The following SLC35D4 variants were observed in gnomAD, a reference collection of about 807,000 sequenced individuals.
SLC35D4 encodes UDP-N-acetylglucosamine transporter SLC35D4.
the SLC35D4 span, among the ~76,000 whole-genome samples, chr18:23,410,444 C>G: frequency 3.0e-4 from 45 of 150,888 alleles, no homozygotes; most frequent in South Asian, 1.5e-3. Context: ...CGCTACTGCA[C>G]TCCAGCCTGG....
chr18:23,303,624 G>A, the SLC35D4 span, among the ~76,000 whole-genome samples: 9 of 152,248 alleles, frequency 5.9e-5, no homozygotes, highest in Admixed American at 5.9e-4. Flanking sequence ...TTAGGGGCTG[G>A]GCGCAGTGGC....
the SLC35D4 span, among the ~76,000 whole-genome samples, chr18:23,328,047 C>T: frequency 2.5e-4 from 38 of 152,254 alleles, 1 homozygote; most frequent in East Asian, 4.4e-3. Flanking sequence ...ATTGATGGGA[C>T]GTATCTCAAA....
chr18:23,264,353 CTTTTTTTT>C, the SLC35D4 span, among the ~76,000 whole-genome samples: 20 of 56,100 alleles, frequency 3.6e-4, 1 homozygote, highest in South Asian at 1.1e-3. Flanking sequence ...CACTTTATTC[CTTTTTTTT>C]TTTTTTTTTT....
the SLC35D4 span, among the ~76,000 whole-genome samples, chr18:23,286,519 G>C: frequency 6.6e-6 from 1 of 152,038 alleles, no homozygotes; most frequent in African/African-American, 2.4e-5. Flanking sequence ...CAGCTTAGCG[G>C]CTGAAGACTG....
the SLC35D4 span, among the ~76,000 whole-genome samples, chr18:23,295,298 G>A: frequency 6.6e-6 from 1 of 151,800 alleles, no homozygotes; most frequent in Non-Finnish European, 1.5e-5. Context: ...GATAGGTGCA[G>A]CAAACCACCA....
At chr18:23,431,346 T>C in the SLC35D4 span, among the ~76,000 whole-genome samples, 1 of 152,118 alleles carries the variant, frequency 6.6e-6, no homozygotes, top group Non-Finnish European at 1.5e-5. Flanking sequence ...CCTTCCCAGA[T>C]GTCAGAAATG....
chr18:23,403,441 G>A, the SLC35D4 span, among the ~76,000 whole-genome samples: 1 of 152,216 alleles, frequency 6.6e-6, no homozygotes. Context: ...ACAGGAGACA[G>A]GGTAGAACAG....
At chr18:23,252,605 C>G in the SLC35D4 span, among the ~76,000 whole-genome samples, 7 of 152,252 alleles carry the variant, frequency 4.6e-5, no homozygotes, top group Admixed American at 2.6e-4. Context: ...AGATTGAACC[C>G]AGGTCTGTGC....
chr18:23,282,317 C>G, the SLC35D4 span, among the ~76,000 whole-genome samples: 13 of 152,312 alleles, frequency 8.5e-5, no homozygotes, highest in Admixed American at 6.5e-4. Context: ...AGACTCCCCC[C>G]CAGTTGATCC....
chr18:23,432,725 T>C, the SLC35D4 span, among the ~76,000 whole-genome samples: 2 of 149,400 alleles, frequency 1.3e-5, no homozygotes, highest in African/African-American at 4.9e-5. Context: ...TTGGGAGCCA[T>C]TGACGCCTGT....
At chr18:23,307,595 CTG>C in the SLC35D4 span, among the ~76,000 whole-genome samples, 26,853 of 152,220 alleles carry the variant, frequency 0.18, 3,396 homozygotes, top group African/African-American at 0.35. Context: ...GGCCTGTTTC[CTG>C]TCTCAGATGA....
the SLC35D4 span, among the ~76,000 whole-genome samples, chr18:23,313,702 T>C: frequency 6.6e-6 from 1 of 152,204 alleles, no homozygotes; most frequent in Non-Finnish European, 1.5e-5. Context: ...CACCTGGTGG[T>C]GGGACCTAGA....
chr18:23,255,970 A>T, the SLC35D4 span, among the ~76,000 whole-genome samples: 1 of 152,226 alleles, frequency 6.6e-6, no homozygotes, highest in Non-Finnish European at 1.5e-5. Context: ...ACTTTACCTT[A>T]TTCAAGGTGC....
At chr18:23,265,368 G>C in the SLC35D4 span, among the ~76,000 whole-genome samples, 9 of 152,032 alleles carry the variant, frequency 5.9e-5, no homozygotes, top group African/African-American at 2.2e-4. Context: ...CCCAATGCAC[G>C]AGCCATCAAG....
the SLC35D4 span, among the ~76,000 whole-genome samples, chr18:23,353,807 GTAACCT>G: frequency 2.0e-5 from 3 of 152,198 alleles, no homozygotes. Flanking sequence ...ACTGACCCTC[GTAACCT>G]TAACCAAATC....
chr18:23,275,858 G>T, the SLC35D4 span, among the ~76,000 whole-genome samples: 9 of 152,184 alleles, frequency 5.9e-5, no homozygotes, highest in African/African-American at 1.4e-4. Context: ...AACAGATGTC[G>T]TGTGACTCCA....
chr18:23,279,929 T>C, the SLC35D4 span, among the ~76,000 whole-genome samples: 3 of 152,212 alleles, frequency 2.0e-5, no homozygotes, highest in African/African-American at 7.2e-5. Context: ...AGTCTTGAAC[T>C]CCTGGGCTCA....
chr18:23,280,161 C>T, the SLC35D4 span, among the ~76,000 whole-genome samples: 3 of 152,366 alleles, frequency 2.0e-5, no homozygotes, highest in South Asian at 2.1e-4. Flanking sequence ...CTGCAGGCAG[C>T]GGGGCTGAGC....
At chr18:23,425,434 T>C in the SLC35D4 span, among the ~76,000 whole-genome samples, 1 of 152,186 alleles carries the variant, frequency 6.6e-6, no homozygotes, top group African/African-American at 2.4e-5. Flanking sequence ...CTCTTCAACT[T>C]AGAATGGGGT....
Sources: allele counts gnomAD v4.1 joint callset (sites outside exome capture counted in the v4.1 genomes callset), GRCh38; gene constraint gnomAD v4.1.1; transcripts MANE v1.5; gene names NCBI Gene and HGNC (gene_info 2026-07-23, HGNC 2026-07-21).